The following FARP2 variants were observed in gnomAD, a reference collection of about 807,000 sequenced individuals.
FARP2 encodes the protein FERM, ARHGEF and pleckstrin domain-containing protein 2.
Under a neutral mutation model 130.5 loss-of-function variants are expected in FARP2, and 111 were observed. The ratio of observed to expected loss-of-function variants is 0.85; its 90% confidence interval spans 0.73 to 1.00. The LOEUF is 1.00. Ranked by LOEUF, FARP2 falls within the 50% of genes least tolerant of loss-of-function variation. The pLI is 0.00. For missense variants in FARP2, 1,385 were observed against 1,346.3 expected (o/e 1.03, Z -0.45); for synonymous variants, 504 against 516.9 (o/e 0.98, Z 0.34).
chr2:241,412,905 A>G (rs575923671), intron 6 of FARP2, among the ~76,000 whole-genome samples: 2 of 152,258 alleles, frequency 1.3e-5, no homozygotes, highest in South Asian at 2.1e-4. Flanking sequence ...GTGCTTACCT[A>G]TAGTCCCAGC....
intron 8 of FARP2, among the ~76,000 whole-genome samples, chr2:241,426,039 A>C (rs1411812513): frequency 6.6e-6 from 1 of 152,122 alleles, no homozygotes; most frequent in Non-Finnish European, 1.5e-5. Flanking sequence ...TTTTTAAAAA[A>C]TTTAACTACT....
At chr2:241,493,644 G>C (rs968863696) in intron 26 of FARP2, 200 bp downstream of exon 26, 3 of 589,308 alleles carry the variant, frequency 5.1e-6, no homozygotes, top group Admixed American at 5.9e-5. Flanking sequence ...ACTCAGGCTG[G>C]AGTGCAGTGA....
intron 8 of FARP2, among the ~76,000 whole-genome samples, chr2:241,425,046 C>G (rs996308597): frequency 6.6e-6 from 1 of 152,030 alleles, no homozygotes. Context: ...CCTGTCTCTA[C>G]TAATATAATA....
chr2:241,492,876 A>C, intron 24 of FARP2, 53 bp from the exon 25 acceptor site: 2 of 1,071,382 alleles, frequency 1.9e-6, no homozygotes, highest in South Asian at 2.5e-5. Context: ...ACCCACTCCC[A>C]CAAGGGGTCC....
intron 9 of FARP2, 52 bp downstream of exon 9, chr2:241,431,826 A>ATTT: frequency 1.5e-6 from 1 of 673,916 alleles, no homozygotes; most frequent in Non-Finnish European, 2.1e-6. Context: ...TTATTTATTT[A>ATTT]TTTATTTTTT....
chr2:241,372,938 CT>C (rs75821706), intron 1 of FARP2, 145 bp from the exon 2 acceptor site: 2 of 409,092 alleles, frequency 4.9e-6, no homozygotes, highest in East Asian at 3.6e-5. Context: ...TTTTGTAACA[CT>C]TTCTTTTGAC....
intron 4 of FARP2, among the ~76,000 whole-genome samples, chr2:241,406,979 T>C (rs1325133068): frequency 2.0e-5 from 3 of 151,926 alleles, no homozygotes; most frequent in African/African-American, 4.8e-5. Flanking sequence ...GGCTAATTTT[T>C]TTGTATTTTT....
At chr2:241,398,254 GAGT>G (rs1416401078) in intron 2 of FARP2, among the ~76,000 whole-genome samples, 1 of 152,074 alleles carries the variant, frequency 6.6e-6, no homozygotes, top group African/African-American at 2.4e-5. Flanking sequence ...CCAGAGAATG[GAGT>G]AGAACAGGCT....
Position 241,494,209 on chromosome 2 carries a change from T to A in FARP2, c.*84T>A. 1.2e-6 allele frequency: 1 copy of A among 803,156 alleles called. No individual in the cohort carries two copies. The highest frequency in any genetic ancestry group is 1.9e-6 in the Non-Finnish European group (1 of 539,238). The allele number at this position is 803,156 out of a possible 1,614,324, so 49.8% of individuals were successfully genotyped here. ...CTCTGTCCTGAGGCTTCTCAACAGA[T>A]GGGAAGTGGCTGTGGTCTCACTGGA... On this transcript the variant is annotated 3_prime_UTR_variant, in exon 27 of 27. Coordinates refer to ENST00000264042, the MANE Select transcript of FARP2 (RefSeq NM_014808.4). This position sits in a 1 kb window ranked among gnomAD's most constrained non-coding sequence, Gnocchi z 4.9.
In FARP2 at chr2:241,431,647, C is replaced by A. The variant is rs745402452; in HGVS notation, c.772-32C>A. 18 of 1,119,452 alleles carry A rather than the reference C, an allele frequency of 1.6e-5. No homozygotes were observed. The South Asian group carries it at 2.1e-4, about 13-fold the overall frequency. 69.3% of individuals were successfully genotyped at this position (1,119,452 alleles called of 1,614,324 possible). ...TGAGAAAGGGGTTATGTGCCAGATA[C>A]AAATGTAATCTGTCTGTCTCTTGCA... On this transcript the variant is annotated intron_variant, in intron 8 of 26. Transcript: ENST00000264042.
At chr2:241,382,290 C>CTCTTTTTTTTTTT (rs1553709361) in intron 2 of FARP2, among the ~76,000 whole-genome samples, 1 of 127,198 alleles carries the variant, frequency 7.9e-6, no homozygotes. Flanking sequence ...TGTACAAAAT[C>CTCTTTTTTTTTTT]TATTTTTTTT....
intron 18 of FARP2, among the ~76,000 whole-genome samples, chr2:241,471,149 G>C (rs910493661): frequency 8.8e-5 from 13 of 148,134 alleles, no homozygotes; most frequent in Middle Eastern, 4.2e-3. Context: ...AGGGGTCTCT[G>C]TTCTGACGGG....
intron 1 of FARP2, among the ~76,000 whole-genome samples, chr2:241,371,945 T>C (rs1297142327): frequency 1.3e-5 from 2 of 152,120 alleles, no homozygotes; most frequent in Non-Finnish European, 2.9e-5. Context: ...TTAAAAACAA[T>C]GAAGACACAT....
intron 2 of FARP2, among the ~76,000 whole-genome samples, chr2:241,399,210 T>G (rs772769035): frequency 6.6e-6 from 1 of 152,250 alleles, no homozygotes; most frequent in Non-Finnish European, 1.5e-5. Context: ...AAGTGCCTAT[T>G]TAAGTCTTTC....
intron 2 of FARP2, among the ~76,000 whole-genome samples, chr2:241,374,871 C>T (rs1229674041): frequency 6.6e-6 from 1 of 152,200 alleles, no homozygotes; most frequent in African/African-American, 2.4e-5. Context: ...GAGTAGCAGT[C>T]GGCTGCCCTT....
intron 22 of FARP2, among the ~76,000 whole-genome samples, chr2:241,490,354 G>C (rs563906342): frequency 2.2e-4 from 33 of 152,328 alleles, no homozygotes; most frequent in Middle Eastern, 3.4e-3. Flanking sequence ...GCAGGCTCCT[G>C]TGGTCTCCCA....
chr2:241,403,867 A>G lies in FARP2; in HGVS notation c.223A>G (p.Lys75Glu), dbSNP rs1263890103. ...CCAGGTATTACTGACACAAGTGTGG[A>G]AGCGTTTAAACCTGGTAGAATGTGA... ...DGQVLLTQVW[K>E]RLNLVECDYF... The change falls in exon 3 of 27, where the codon AAG becomes GAG. Residue 75 changes from lysine to glutamate, a missense_variant. Lys to Glu is a moderately conservative substitution (Grantham distance 56). Transcript: ENST00000264042. 2.5e-6 allele frequency: 4 copies of G among 1,613,888 alleles called. No individual in the cohort carries two copies. Among genetic ancestry groups the G allele is most frequent in the Non-Finnish European group, 3.4e-6 (4 of 1,179,780 alleles).
chr2:241,489,047 G>T (rs566512475), intron 21 of FARP2: 1 of 152,358 alleles, frequency 6.6e-6, no homozygotes, highest in South Asian at 2.1e-4. Context: ...GATTTCAGTT[G>T]AAATTGCATT....
intron 1 of FARP2, among the ~76,000 whole-genome samples, chr2:241,367,841 C>T (rs2061348063): frequency 1.3e-5 from 2 of 150,952 alleles, no homozygotes. Context: ...AGTCCTAGCT[C>T]TGTCACTTCT....
Sources: allele counts gnomAD v4.1 joint callset (sites outside exome capture counted in the v4.1 genomes callset), GRCh38; gene constraint gnomAD v4.1.1; non-coding constraint Gnocchi (gnomAD v3.1); transcripts MANE v1.5; gene names NCBI Gene and HGNC (gene_info 2026-07-23, HGNC 2026-07-21).